The following NRG3 variants were observed in gnomAD, a reference collection of about 807,000 sequenced individuals.
The protein encoded by NRG3 is neuregulin 3.
NRG3 carries 31 observed loss-of-function variants against 66.9 expected under a neutral mutation model. The ratio of observed to expected loss-of-function variants is 0.46; its 90% CI spans 0.35 to 0.63. The LOEUF is 0.63. NRG3 is among the 20% of genes least tolerant of loss of function. The pLI, the probability that NRG3 is intolerant of heterozygous loss-of-function variation, is 0.00. For missense variants in NRG3, 910 were observed against 878.9 expected, an observed-to-expected ratio of 1.04 and a Z score of -0.45; for synonymous variants, 393 against 359.4, an observed-to-expected ratio of 1.09 and a Z score of -1.06.
intron 1 of NRG3, among the ~76,000 whole-genome samples, chr10:82,027,057 A>G (rs936924041): frequency 1.3e-5 from 2 of 152,124 alleles, no homozygotes; most frequent in African/African-American, 4.8e-5. Context: ...CACAAGAATA[A>G]GTGAACAACA....
intron 2 of NRG3, among the ~76,000 whole-genome samples, chr10:82,400,938 C>T (rs2087054931): frequency 1.3e-5 from 2 of 152,094 alleles, no homozygotes; most frequent in African/African-American, 4.8e-5. Context: ...ATTGCAAGTG[C>T]ATCTTGCCAC....
intron 1 of NRG3, among the ~76,000 whole-genome samples, chr10:82,098,335 C>CATATAT (rs146083601): frequency 6.6e-6 from 1 of 150,818 alleles, no homozygotes; most frequent in Non-Finnish European, 1.5e-5. Context: ...ATATATATGA[C>CATATAT]ATATATATAG....
At chr10:82,530,007 G>A (rs1311141115) in intron 2 of NRG3, among the ~76,000 whole-genome samples, 1 of 152,120 alleles carries the variant, frequency 6.6e-6, no homozygotes, top group Non-Finnish European at 1.5e-5. Context: ...TAAAGAGAAA[G>A]CCAGTTAAGG....
At chr10:82,290,078 C>T (rs1271355683) in intron 1 of NRG3, among the ~76,000 whole-genome samples, 2 of 152,166 alleles carry the variant, frequency 1.3e-5, no homozygotes, top group Non-Finnish European at 2.9e-5. Context: ...CTACAAACTC[C>T]CCCTTCCTCA....
At chr10:82,952,983 G>A (rs989169196) in intron 5 of NRG3, among the ~76,000 whole-genome samples, 3 of 151,874 alleles carry the variant, frequency 2.0e-5, no homozygotes, top group African/African-American at 7.3e-5. Context: ...CCTTACATTA[G>A]CATGGTACAT....
chr10:82,679,707 A>G (rs902176257), intron 2 of NRG3, among the ~76,000 whole-genome samples: 1 of 152,158 alleles, frequency 6.6e-6, no homozygotes, highest in African/African-American at 2.4e-5. Flanking sequence ...CAATCTTCAT[A>G]TCAACTCTAT....
intron 2 of NRG3, among the ~76,000 whole-genome samples, chr10:82,676,979 T>A (rs940806420): frequency 1.3e-5 from 2 of 152,088 alleles, no homozygotes; most frequent in African/African-American, 4.8e-5. Flanking sequence ...GGAGCATGCA[T>A]TTTGTAATTT....
At chr10:82,874,825 A>G (rs886553516) in intron 4 of NRG3, among the ~76,000 whole-genome samples, 1 of 152,230 alleles carries the variant, frequency 6.6e-6, no homozygotes, top group Non-Finnish European at 1.5e-5. Flanking sequence ...TGGATGAGCA[A>G]TAGGGCTCCA....
At chr10:82,706,757 G>A (rs1432383593) in intron 2 of NRG3, among the ~76,000 whole-genome samples, 1 of 152,110 alleles carries the variant, frequency 6.6e-6, no homozygotes, top group Non-Finnish European at 1.5e-5. Flanking sequence ...ACTTTGGGAG[G>A]CTGAGGCAGG....
At chr10:81,910,798 C>A (rs1379437276) in intron 1 of NRG3, among the ~76,000 whole-genome samples, 1 of 152,168 alleles carries the variant, frequency 6.6e-6, no homozygotes, top group East Asian at 1.9e-4. Flanking sequence ...ACTACAGATG[C>A]ATGCCACCAT....
chr10:82,120,539 T>A (rs878862425), intron 1 of NRG3, among the ~76,000 whole-genome samples: 1 of 152,170 alleles, frequency 6.6e-6, no homozygotes, highest in Non-Finnish European at 1.5e-5. Flanking sequence ...GCTTTGGTTT[T>A]CTTATTTTTT....
rs566338979 is a variant in NRG3, at chr10:82,503,902, T to TTA, written c.953+145034_953+145035insTA. On this transcript the variant is annotated intron_variant, in intron 2 of 8. Transcript: ENST00000372141. ...GCTTTTGAACTAATGTAGTGGGGTG[T>TTA]ACTTTAAAGGAGGCAGACGGCCTGG... 4.3e-3 allele frequency among the ~76,000 whole-genome samples: 658 copies of TTA among 152,268 alleles called. 7 individuals carry two copies. Among genetic ancestry groups the TTA allele is most frequent in the African/African-American group, 0.016 (646 of 41,544 alleles).
intron 2 of NRG3, among the ~76,000 whole-genome samples, chr10:82,517,857 A>T (rs939625719): frequency 5.9e-5 from 9 of 152,180 alleles, no homozygotes; most frequent in African/African-American, 1.7e-4. Flanking sequence ...CTCATAATCA[A>T]TATTTTTAAT....
chr10:82,005,019 C>G (rs777133536), intron 1 of NRG3, among the ~76,000 whole-genome samples: 1 of 152,218 alleles, frequency 6.6e-6, no homozygotes, highest in Non-Finnish European at 1.5e-5. Flanking sequence ...TTGATTGTTA[C>G]AACAGCCTGA....
At chr10:82,662,338 G>T (rs1345722314) in intron 2 of NRG3, among the ~76,000 whole-genome samples, 1 of 151,178 alleles carries the variant, frequency 6.6e-6, no homozygotes, top group Non-Finnish European at 1.5e-5. Flanking sequence ...AAAGTCATCA[G>T]CAAGGCTCAA....
At chr10:81,980,029 T>G (rs758250190) in intron 1 of NRG3, among the ~76,000 whole-genome samples, 10 of 152,210 alleles carry the variant, frequency 6.6e-5, no homozygotes, top group Non-Finnish European at 1.3e-4. Context: ...TTTGCCCCAC[T>G]TCCTCATCGC....
At chr10:82,786,164 C>T (rs1180146550) in intron 3 of NRG3, among the ~76,000 whole-genome samples, 1 of 152,122 alleles carries the variant, frequency 6.6e-6, no homozygotes, top group Non-Finnish European at 1.5e-5. Flanking sequence ...GAAGTAGACC[C>T]TGTGACCCCA....
chr10:82,646,997 TC>T (rs201104451), intron 2 of NRG3, among the ~76,000 whole-genome samples: 1,530 of 151,910 alleles, frequency 0.01, 24 homozygotes, highest in African/African-American at 0.036. Context: ...TTTTATGTTC[TC>T]TTTTTTAATT....
At chr10:82,192,855 C>T (rs560922359) in intron 1 of NRG3, among the ~76,000 whole-genome samples, 33 of 152,022 alleles carry the variant, frequency 2.2e-4, no homozygotes, top group South Asian at 1.2e-3. Flanking sequence ...GTTATTATGA[C>T]GTCATAATAT....
Sources: allele counts gnomAD v4.1 joint callset (sites outside exome capture counted in the v4.1 genomes callset), GRCh38; gene constraint gnomAD v4.1.1; transcripts MANE v1.5; gene names NCBI Gene and HGNC (gene_info 2026-07-23, HGNC 2026-07-21).